The following EPHA6 variants were observed in gnomAD, a reference collection of about 807,000 sequenced individuals.
EPHA6 encodes the protein ephrin type-A receptor 6.
In EPHA6, 50 loss-of-function variants were observed where a neutral mutation model predicts 112.0. The ratio of observed to expected loss-of-function variants is 0.45; its 90% CI spans 0.36 to 0.56. The LOEUF is 0.56. Ranked by LOEUF, EPHA6 falls within the 20% of genes least tolerant of loss-of-function variation. EPHA6 has a pLI of 0.00. For missense variants in EPHA6, 1,280 were observed against 1,417.4 expected, an observed-to-expected ratio of 0.90 and a Z score of 1.56; for synonymous variants, 529 against 490.7, an observed-to-expected ratio of 1.08 and a Z score of -1.03.
intron 2 of EPHA6, among the ~76,000 whole-genome samples, chr3:96,953,752 C>G (rs1200389014): frequency 6.6e-6 from 1 of 152,176 alleles, no homozygotes; most frequent in East Asian, 1.9e-4. Flanking sequence ...TTCCTTCTTT[C>G]TCTTATACCC....
At chr3:97,120,423 T>A (rs2048010173) in intron 3 of EPHA6, among the ~76,000 whole-genome samples, 1 of 151,822 alleles carries the variant, frequency 6.6e-6, no homozygotes, top group Non-Finnish European at 1.5e-5. Flanking sequence ...GTACTTAGAG[T>A]AACCCACATT....
intron 1 of EPHA6, among the ~76,000 whole-genome samples, chr3:96,839,280 G>A (rs1011981755): frequency 6.6e-6 from 1 of 151,780 alleles, no homozygotes; most frequent in African/African-American, 2.4e-5. Flanking sequence ...CGTTAGATCA[G>A]TGGTGGCACT....
chr3:97,742,383 T>C (rs2035541675), intron 16 of EPHA6, among the ~76,000 whole-genome samples: 1 of 152,152 alleles, frequency 6.6e-6, no homozygotes, highest in African/African-American at 2.4e-5. Flanking sequence ...GGTACACTAC[T>C]GGGAATTATG....
At chr3:97,714,498 C>G (rs766803268) in intron 14 of EPHA6, among the ~76,000 whole-genome samples, 25 of 152,284 alleles carry the variant, frequency 1.6e-4, no homozygotes, top group Non-Finnish European at 3.7e-4. Context: ...AATACACATG[C>G]CTCTCTGAAA....
At chr3:97,615,783 C>G (rs915759071) in intron 13 of EPHA6, among the ~76,000 whole-genome samples, 6 of 152,144 alleles carry the variant, frequency 3.9e-5, no homozygotes, top group Non-Finnish European at 7.4e-5. Context: ...GGCCCTCCAG[C>G]CACCCCCTCC....
chr3:97,628,546 C>T (rs1257783378), intron 13 of EPHA6, among the ~76,000 whole-genome samples: 1 of 151,804 alleles, frequency 6.6e-6, no homozygotes, highest in Non-Finnish European at 1.5e-5. Context: ...AAAATAGTTT[C>T]AATTTTTACC....
chr3:97,687,141 A>T (rs902356784), intron 14 of EPHA6, among the ~76,000 whole-genome samples: 2 of 152,162 alleles, frequency 1.3e-5, no homozygotes, highest in African/African-American at 4.8e-5. Flanking sequence ...AATTACTGGC[A>T]TGATAGCCTA....
At position 97,613,034 on chromosome 3, in the gene EPHA6, TAG is replaced by T. The variant is rs1239369247; in HGVS notation, c.2574+2183_2574+2184del. 4.6e-5 allele frequency among the ~76,000 whole-genome samples: 7 copies of T among 152,112 alleles called. No homozygotes were observed. The East Asian group carries it at 7.7e-4, about 17-fold the overall frequency. Reference sequence around the variant, plus strand: ...TCATGGTGTGTGTCCCCTTTGCACGTAGAGTTTCTAAAAGTCACATTATTATA... The same window carrying T: ...TCATGGTGTGTGTCCCCTTTGCACGTAGTTTCTAAAAGTCACATTATTATA... On this transcript the variant is annotated intron_variant, in intron 13 of 17. Transcript: ENST00000389672.
chr3:97,528,379 G>A (rs1309264277), intron 10 of EPHA6, among the ~76,000 whole-genome samples: 1 of 152,138 alleles, frequency 6.6e-6, no homozygotes, highest in African/African-American at 2.4e-5. Context: ...AGTTTTCTGA[G>A]AGAGGGATGT....
chr3:97,123,431 G>A (rs969991681), intron 3 of EPHA6, among the ~76,000 whole-genome samples: 5 of 151,982 alleles, frequency 3.3e-5, no homozygotes, highest in African/African-American at 1.2e-4. Flanking sequence ...TATTGGCATC[G>A]ACATCTGTCT....
At chr3:97,084,604 T>G (rs1437150302) in intron 3 of EPHA6, among the ~76,000 whole-genome samples, 1 of 151,926 alleles carries the variant, frequency 6.6e-6, no homozygotes, top group African/African-American at 2.4e-5. Flanking sequence ...TTTGCACCAA[T>G]AACATTCAAG....
intron 1 of EPHA6, among the ~76,000 whole-genome samples, chr3:96,841,269 C>G (rs925533123): frequency 1.3e-5 from 2 of 152,056 alleles, no homozygotes; most frequent in African/African-American, 4.8e-5. Flanking sequence ...ATGAGGCAAT[C>G]AGATATGCAT....
At chr3:97,380,070 G>A (rs1303720328) in intron 5 of EPHA6, among the ~76,000 whole-genome samples, 4 of 152,088 alleles carry the variant, frequency 2.6e-5, no homozygotes, top group Non-Finnish European at 5.9e-5. Flanking sequence ...TAGCATATTG[G>A]TGCTCCTTAG....
chr3:97,477,666 T>C (rs1488656782), intron 8 of EPHA6, among the ~76,000 whole-genome samples: 1 of 152,190 alleles, frequency 6.6e-6, no homozygotes, highest in East Asian at 1.9e-4. Flanking sequence ...TTTAGTAAAC[T>C]TTATTAGGAA....
At chr3:97,494,042 A>G (rs897062423) in intron 10 of EPHA6, among the ~76,000 whole-genome samples, 16 of 152,220 alleles carry the variant, frequency 1.1e-4, no homozygotes, top group African/African-American at 3.9e-4. Flanking sequence ...TCAATGTGCA[A>G]TTGAAGCCTA....
At chr3:97,468,995 T>A (rs1461219942) in intron 7 of EPHA6, among the ~76,000 whole-genome samples, 1 of 151,758 alleles carries the variant, frequency 6.6e-6, no homozygotes, top group African/African-American at 2.4e-5. Context: ...AGAAGTATTA[T>A]TTTTATAACT....
Position 97,702,876 on chromosome 3 carries a change from A to T in EPHA6, c.2785-17385A>T, listed in dbSNP as rs112020612. On this transcript the variant is annotated intron_variant, in intron 14 of 17. Coordinates refer to ENST00000389672, the MANE Select transcript of EPHA6 (RefSeq NM_001080448.3). ...CAAAAATCATAAATAAAGAAACCCAACTTGAACAGAGTTAGACTATTGACC... is the reference window on the plus strand; with the variant it reads ...CAAAAATCATAAATAAAGAAACCCATCTTGAACAGAGTTAGACTATTGACC... 1.8e-3 allele frequency among the ~76,000 whole-genome samples: 278 copies of T among 152,298 alleles called. 1 individual carries two copies. The highest frequency in any genetic ancestry group is 6.5e-3 in the African/African-American group (272 of 41,560).
intron 5 of EPHA6, among the ~76,000 whole-genome samples, chr3:97,375,572 T>C (rs1490563174): frequency 1.3e-5 from 2 of 152,168 alleles, no homozygotes; most frequent in Non-Finnish European, 2.9e-5. Context: ...CTTAAGAACA[T>C]AGTTTATGAA....
chr3:97,120,782 T>C (rs957229644), intron 3 of EPHA6, among the ~76,000 whole-genome samples: 2 of 151,938 alleles, frequency 1.3e-5, no homozygotes, highest in Non-Finnish European at 2.9e-5. Context: ...GTGTGTTTCT[T>C]TCCCTTGAAC....
Sources: allele counts gnomAD v4.1 joint callset (sites outside exome capture counted in the v4.1 genomes callset), GRCh38; gene constraint gnomAD v4.1.1; transcripts MANE v1.5; gene names NCBI Gene and HGNC (gene_info 2026-07-23, HGNC 2026-07-21).